The following MARK1 variants were observed in gnomAD, a reference collection of about 807,000 sequenced individuals.
MARK1 encodes microtubule affinity regulating kinase 1, also known as serine/threonine-protein kinase MARK1.
A neutral mutation model predicts 96.3 loss-of-function variants in MARK1; 40 were observed. That is an observed-to-expected ratio of 0.42 (90% CI 0.32 to 0.54). The LOEUF is 0.54. Among genes scored for constraint, MARK1 ranks in the 20% least tolerant of loss-of-function variants. The pLI is 0.16. For missense variants in MARK1, 719 were observed against 984.6 expected (o/e 0.73, Z 3.61); for synonymous variants, 317 against 341.2 (o/e 0.93, Z 0.78).
chr1:220,599,897 C>T (rs762028999), intron 5 of MARK1, 34 bp downstream of exon 5: 1 of 1,426,784 alleles, frequency 7.0e-7, no homozygotes, highest in Non-Finnish European at 9.8e-7. Flanking sequence ...GTTCTCTTTG[C>T]TGAGACATAC....
At chr1:220,547,572 CT>C (rs954677860) in intron 1 of MARK1, among the ~76,000 whole-genome samples, 2 of 148,928 alleles carry the variant, frequency 1.3e-5, no homozygotes, top group African/African-American at 2.5e-5. Flanking sequence ...CTGTGATTTT[CT>C]TTTTTTTTTG....
intron 2 of MARK1, 85 bp downstream of exon 2, chr1:220,579,642 A>G: frequency 9.3e-7 from 1 of 1,075,588 alleles, no homozygotes; most frequent in South Asian, 1.4e-5. Context: ...GTTTGGGAGT[A>G]AAATGACAGT....
At chr1:220,562,006 A>G (rs1232189248) in intron 1 of MARK1, among the ~76,000 whole-genome samples, 1 of 152,240 alleles carries the variant, frequency 6.6e-6, no homozygotes, top group East Asian at 1.9e-4. Context: ...TGGCAATCTT[A>G]CACTAATATA....
intron 16 of MARK1, among the ~76,000 whole-genome samples, chr1:220,655,266 CTT>C (rs546520356): frequency 1.4e-3 from 219 of 152,258 alleles, no homozygotes; most frequent in Non-Finnish European, 1.9e-3. Flanking sequence ...TCCTTACACT[CTT>C]GGTGATCTCA....
chr1:220,602,898 C>G (rs1665837626), intron 5 of MARK1, among the ~76,000 whole-genome samples: 1 of 152,040 alleles, frequency 6.6e-6, no homozygotes, highest in Admixed American at 6.6e-5. Context: ...TTATTGAGTG[C>G]TTACTATATG....
At chr1:220,580,359 CTGTAG>C (rs1664150978) in intron 2 of MARK1, among the ~76,000 whole-genome samples, 1 of 151,928 alleles carries the variant, frequency 6.6e-6, no homozygotes, top group South Asian at 2.1e-4. Flanking sequence ...TGGTGTGCAA[CTGTAG>C]CTACTTGGGA....
chr1:220,562,168 C>A (rs1662711785), intron 1 of MARK1, among the ~76,000 whole-genome samples: 1 of 152,100 alleles, frequency 6.6e-6, no homozygotes, highest in South Asian at 2.1e-4. Context: ...GATACTATTA[C>A]TATTAACAAA....
intron 1 of MARK1, among the ~76,000 whole-genome samples, chr1:220,530,001 A>G (rs926126433): frequency 6.6e-6 from 1 of 152,174 alleles, no homozygotes; most frequent in Non-Finnish European, 1.5e-5. Context: ...GGTAAAATAA[A>G]ATAACGAAGC....
intron 1 of MARK1, among the ~76,000 whole-genome samples, chr1:220,574,194 G>A (rs991614861): frequency 5.3e-5 from 8 of 152,030 alleles, no homozygotes; most frequent in African/African-American, 1.9e-4. Context: ...CTGAACTGTT[G>A]GTTTTTGCTT....
intron 1 of MARK1, among the ~76,000 whole-genome samples, chr1:220,539,341 C>G (rs562809288): frequency 3.5e-4 from 53 of 152,182 alleles, no homozygotes; most frequent in Non-Finnish European, 5.9e-4. Context: ...TGGTTTTTGT[C>G]TTTGGTTCTG....
At chr1:220,582,133 C>G (rs1664285504) in intron 3 of MARK1, among the ~76,000 whole-genome samples, 1 of 152,210 alleles carries the variant, frequency 6.6e-6, no homozygotes, top group Non-Finnish European at 1.5e-5. Context: ...TCATTTGGCT[C>G]AGTCCCAGAT....
At chr1:220,541,433 A>G (rs759279857) in intron 1 of MARK1, among the ~76,000 whole-genome samples, 9 of 152,098 alleles carry the variant, frequency 5.9e-5, no homozygotes, top group East Asian at 1.9e-4. Context: ...CGTTAGGTCA[A>G]TTTGTTCTAT....
At chr1:220,652,205 A>C in intron 15 of MARK1, 55 bp downstream of exon 15, 1 of 1,408,124 alleles carries the variant, frequency 7.1e-7, no homozygotes, top group Non-Finnish European at 9.8e-7. Flanking sequence ...AAAATATAGC[A>C]CCATGTGAAA....
chr1:220,651,758 AT>A (rs1668891182), intron 14 of MARK1, among the ~76,000 whole-genome samples: 2 of 152,130 alleles, frequency 1.3e-5, no homozygotes, highest in African/African-American at 2.4e-5. Context: ...TGTGTGTGAG[AT>A]TTTTTTCATA....
At chr1:220,643,419 C>G (rs1484542549) in intron 13 of MARK1, among the ~76,000 whole-genome samples, 1 of 152,018 alleles carries the variant, frequency 6.6e-6, no homozygotes, top group African/African-American at 2.4e-5. Context: ...AACGAAACCT[C>G]CAAGAAACAT....
intron 1 of MARK1, among the ~76,000 whole-genome samples, chr1:220,573,811 TAGTATATATTGTA>T (rs1663647927): frequency 6.8e-6 from 1 of 146,242 alleles, no homozygotes; most frequent in African/African-American, 2.5e-5. Context: ...AGTATATATG[TAGTATATATTGTA>T]GTATATATGT....
In MARK1 at chr1:220,617,915, T is replaced by C. The variant is rs1394454203; in HGVS notation, c.553-395T>C. 3.9e-5 allele frequency among the ~76,000 whole-genome samples: 6 copies of C among 152,304 alleles called. No individual in the cohort carries two copies. In the East Asian group the frequency reaches 9.6e-4, roughly 24 times the overall value. ...ATACCCTATTAAAATAGAGCTCCTT[T>C]GGGTAATCATGTTGGTTTAAGTCCC... On this transcript the variant is annotated intron_variant, in intron 7 of 17. Transcript: ENST00000366917.
intron 1 of MARK1, among the ~76,000 whole-genome samples, chr1:220,570,902 A>G (rs1572099144): frequency 6.6e-6 from 1 of 152,182 alleles, no homozygotes; most frequent in Non-Finnish European, 1.5e-5. Flanking sequence ...TGCTGTGCAT[A>G]GCATAGTAGC....
intron 13 of MARK1, among the ~76,000 whole-genome samples, chr1:220,650,057 T>C (rs943398562): frequency 6.6e-6 from 1 of 152,168 alleles, no homozygotes; most frequent in Non-Finnish European, 1.5e-5. Context: ...AACCTGAGAC[T>C]CGAGGAAATA....
Sources: allele counts gnomAD v4.1 joint callset (sites outside exome capture counted in the v4.1 genomes callset), GRCh38; gene constraint gnomAD v4.1.1; transcripts MANE v1.5; gene names NCBI Gene and HGNC (gene_info 2026-07-23, HGNC 2026-07-21).